CATSPERG: variants seen among roughly 807,000 people sequenced by gnomAD.
The protein encoded by CATSPERG is cation channel sperm-associated auxiliary subunit gamma.
CATSPERG carries 115 observed loss-of-function variants against 145.0 expected under a neutral mutation model. The observed-to-expected ratio is 0.79, with a 90% confidence interval of 0.68 to 0.93. The LOEUF is 0.93. Ranked by LOEUF, CATSPERG falls within the 40% of genes least tolerant of loss-of-function variation. The pLI is 0.00. For synonymous variants in CATSPERG, 588 were observed against 589.0 expected (o/e 1.00, Z 0.02); for missense variants, 1,296 against 1,490.1 (o/e 0.87, Z 2.14).
rs575474754 is a variant in CATSPERG at position 38,358,717 on chromosome 19, C to T, written c.1496+156C>T. Among the ~76,000 whole-genome samples, 106 of 152,280 alleles carry T rather than the reference C, an allele frequency of 7.0e-4. 2 individuals are homozygous for T. The South Asian group carries it at 0.021, about 30-fold the overall frequency. ...ACCAGGACTGTGATGAGGAACACAC[C>T]GTTAGGGTAGTCAGTGCTGGGATGG... On this transcript the variant is annotated intron_variant, in intron 13 of 28. Coordinates refer to ENST00000409235, the MANE Select transcript of CATSPERG (RefSeq NM_021185.5).
In CATSPERG at chr19:38,337,642, A is replaced by G; in HGVS notation, c.320A>G (p.Glu107Gly). ...CTGAAGATCAACTACTCCTGCGAGG[A>G]AAAGGTGAGTGGGTGCAGCACGGAT... ...YYLKINYSCE[E>G]KPSEDLVRMG... The change falls in exon 3 of 29, where the codon GAA becomes GGA. Residue 107 changes from glutamate to glycine, a missense_variant. Glu to Gly is a moderately conservative substitution (Grantham distance 98). Coordinates refer to ENST00000409235, the MANE Select transcript of CATSPERG (RefSeq NM_021185.5). The G allele has an allele frequency of 1.3e-6, 2 of 1,551,500 alleles. No individual in the cohort carries two copies. The highest frequency in any genetic ancestry group is 8.7e-7 in the Non-Finnish European group (1 of 1,146,810).
rs774954294 is a variant in CATSPERG at position 38,367,193 on chromosome 19, C to A, written c.2651C>A (p.Pro884Gln). Residue 884 changes from proline (P) to glutamine (Q), a missense_variant, in exon 23 of 29, where the codon CCA becomes CAA. Coordinates refer to ENST00000409235, the MANE Select transcript of CATSPERG (RefSeq NM_021185.5). ...LMVPVFIGCP[P>Q]GKRLAFDITY... ...GTGCCAGTGTTCATTGGCTGCCCCC[C>A]AGGCAAGCGCCTGGCCTTCGACATC... is the stretch of plus-strand genomic sequence containing the variant. The A allele has an allele frequency of 1.9e-6, 3 of 1,613,816 alleles. No homozygotes were observed. In the South Asian group the frequency reaches 3.3e-5, roughly 18 times the overall value.
At position 38,340,543 on chromosome 19, in the gene CATSPERG, C is replaced by T. The variant is rs144590024; in HGVS notation, c.324+2897C>T. Among the ~76,000 whole-genome samples the T allele has an allele frequency of 4.5e-3, 677 of 151,990 alleles. 6 individuals carry two copies. Among genetic ancestry groups the T allele is most frequent in the African/African-American group, 0.015 (635 of 41,446 alleles). ...CCATATTGGTCAGGCTGGTCTTGAA[C>T]TCCTGACCTCAGGTGATCCACCTGC... On this transcript the variant is annotated intron_variant, in intron 3 of 28. Coordinates refer to ENST00000409235, the MANE Select transcript of CATSPERG (RefSeq NM_021185.5).
chr19:38,343,737 G>T lies in CATSPERG; in HGVS notation c.469+13G>T, dbSNP rs73043019. 47,830 of 1,546,698 alleles carry T rather than the reference G, an allele frequency of 0.031. 854 individuals carry two copies. Among genetic ancestry groups the T allele is most frequent in the South Asian group, 0.048 (4,060 of 83,962 alleles). On this transcript the variant is annotated intron_variant, in intron 4 of 28. Transcript: ENST00000409235. Reference sequence around the variant, plus strand: ...TTCCGCAGCAAAGGTGGGCCTGGGGGAGGCGGGAGGGATCGCAACCTGGCA... The same window carrying T: ...TTCCGCAGCAAAGGTGGGCCTGGGGTAGGCGGGAGGGATCGCAACCTGGCA...
intron 3 of CATSPERG, among the ~76,000 whole-genome samples, chr19:38,342,400 G>C (rs1044957547): frequency 1.3e-5 from 2 of 151,952 alleles, no homozygotes; most frequent in African/African-American, 2.4e-5. Context: ...AGGAGTTTGA[G>C]ACCAGGCTGG....
intron 20 of CATSPERG, among the ~76,000 whole-genome samples, chr19:38,363,804 C>T (rs1970396362): frequency 6.6e-6 from 1 of 152,158 alleles, no homozygotes; most frequent in Non-Finnish European, 1.5e-5. Flanking sequence ...TCAACAGGAT[C>T]CCAAGGCAGA....
intron 17 of CATSPERG, 27 bp downstream of exon 17, chr19:38,361,888 G>A (rs1970352554): frequency 1.6e-5 from 25 of 1,575,544 alleles, no homozygotes; most frequent in Non-Finnish European, 2.1e-5. Context: ...GGGCGGGCAG[G>A]CCTGAGACGG....
intron 13 of CATSPERG, 84 bp downstream of exon 13, chr19:38,358,645 T>A: frequency 6.5e-7 from 1 of 1,538,992 alleles, no homozygotes; most frequent in Non-Finnish European, 8.9e-7. Context: ...AAGCCCAGGC[T>A]AGGCAAGTCT....
intron 3 of CATSPERG, 60 bp downstream of exon 3, chr19:38,337,706 AT>A: frequency 7.4e-7 from 1 of 1,342,654 alleles, no homozygotes; most frequent in Non-Finnish European, 1.0e-6. Flanking sequence ...CACCTCTAAC[AT>A]TTTTATTTAT....
chr19:38,342,160 G>A (rs117437511), intron 3 of CATSPERG, among the ~76,000 whole-genome samples: 8,223 of 150,326 alleles, frequency 0.055, 435 homozygotes, highest in East Asian at 0.27. Context: ...AGGATTGCTT[G>A]AGGCCAAGAG....
chr19:38,351,500 C>A (rs150489116), intron 7 of CATSPERG, among the ~76,000 whole-genome samples: 4 of 150,354 alleles, frequency 2.7e-5, no homozygotes, highest in African/African-American at 9.8e-5. Flanking sequence ...CCCAGCTACT[C>A]GGGAAGCTGA....
chr19:38,352,457 C>A, intron 8 of CATSPERG, 25 bp downstream of exon 8: 1 of 1,551,076 alleles, frequency 6.4e-7, no homozygotes, highest in Non-Finnish European at 8.7e-7. Flanking sequence ...GCTGGACCCA[C>A]GCCTGGGGAG....
chr19:38,347,640 G>C (rs2071518016), intron 7 of CATSPERG, among the ~76,000 whole-genome samples: 1 of 152,102 alleles, frequency 6.6e-6, no homozygotes, highest in African/African-American at 2.4e-5. Flanking sequence ...CAGAGAACTG[G>C]CTTTAAGAAG....
intron 6 of CATSPERG, 43 bp downstream of exon 6, chr19:38,344,411 T>C: frequency 6.6e-7 from 1 of 1,508,884 alleles, no homozygotes; most frequent in Non-Finnish European, 9.0e-7. Flanking sequence ...GTCTGGGCCT[T>C]AGGCTGACGC....
chr19:38,357,687 C>T (rs533004687), intron 11 of CATSPERG, among the ~76,000 whole-genome samples: 1 of 152,304 alleles, frequency 6.6e-6, no homozygotes, highest in Admixed American at 6.5e-5. Context: ...CACGGCGGCT[C>T]ACGCCTGTAA....
chr19:38,356,326 C>T (rs1970241817), intron 9 of CATSPERG, among the ~76,000 whole-genome samples, 158 bp from the exon 10 acceptor site: 1 of 152,180 alleles, frequency 6.6e-6, no homozygotes, highest in South Asian at 2.1e-4. Context: ...CAAAGACAGA[C>T]ATGCTCTGAT....
rs891038545 is a variant in CATSPERG at position 38,367,246 on chromosome 19, A to G, written c.2704A>G (p.Lys902Glu). ...CTACACGCTGGAATACAGCCGCCTG[A>G]AGAACAAACACTACTTTGACTGCGT... ...ITYTLEYSRLKNKHYFDCVNV... is the reference protein window; with the variant it reads ...ITYTLEYSRLENKHYFDCVNV... Residue 902 changes from lysine to glutamate, a missense_variant, in exon 23 of 29, where the codon AAG becomes GAG. Coordinates refer to ENST00000409235, the MANE Select transcript of CATSPERG (RefSeq NM_021185.5). The G allele has an allele frequency of 9.3e-6, 15 of 1,613,840 alleles. No individual in the cohort carries two copies. The African/African-American group carries it at 2.0e-4, about 22-fold the overall frequency.
intron 12 of CATSPERG, 47 bp downstream of exon 12, chr19:38,358,375 A>G (rs1970284101): frequency 6.2e-7 from 1 of 1,613,924 alleles, no homozygotes. Context: ...GTGGGCCAGG[A>G]GGGGCCCAGG....
At chr19:38,363,206 T>C (rs1245592724) in intron 20 of CATSPERG, among the ~76,000 whole-genome samples, 5 of 152,058 alleles carry the variant, frequency 3.3e-5, no homozygotes, top group African/African-American at 1.2e-4. Context: ...ACCCAGCTAA[T>C]TTTTTGTATT....
Sources: allele counts gnomAD v4.1 joint callset (sites outside exome capture counted in the v4.1 genomes callset), GRCh38; gene constraint gnomAD v4.1.1; transcripts MANE v1.5; gene names NCBI Gene and HGNC (gene_info 2026-07-23, HGNC 2026-07-21).